CNTN5: variants seen among roughly 807,000 people sequenced by gnomAD.
CNTN5 encodes contactin-5.
CNTN5 carries 77 observed loss-of-function variants against 129.1 expected under a neutral mutation model. The observed-to-expected ratio is 0.60, with a 90% confidence interval of 0.50 to 0.72. CNTN5 has a LOEUF of 0.72. Ranked by LOEUF, CNTN5 falls within the 30% of genes least tolerant of loss-of-function variation. The pLI, the probability that CNTN5 is intolerant of heterozygous loss-of-function variation, is 0.00. For missense variants in CNTN5, 1,478 were observed against 1,328.8 expected (o/e 1.11, Z -1.75); for synonymous variants, 509 against 465.6 (o/e 1.09, Z -1.20).
intron 1 of CNTN5, among the ~76,000 whole-genome samples, chr11:99,110,092 C>A (rs1203545838): frequency 6.6e-6 from 1 of 152,050 alleles, no homozygotes; most frequent in African/African-American, 2.4e-5. Flanking sequence ...AAGAAGGGAA[C>A]CTCGCTCGGA....
rs575492693 is a variant in CNTN5, at chr11:100,234,868, T to C, written c.2005+10056T>C. On this transcript the variant is annotated intron_variant, in intron 16 of 24. Transcript: ENST00000524871. ...TGCCACCAGGAAAACTGAGCACCGATAGACTTCTTTCTGCATAATCTCTTC... is the reference window on the plus strand; with the variant it reads ...TGCCACCAGGAAAACTGAGCACCGACAGACTTCTTTCTGCATAATCTCTTC... 3.0e-4 allele frequency among the ~76,000 whole-genome samples: 45 copies of C among 148,440 alleles called. No individual in the cohort carries two copies. In the South Asian group the frequency reaches 9.4e-3, roughly 31 times the overall value.
chr11:100,132,587 T>C (rs1023984128), intron 13 of CNTN5, among the ~76,000 whole-genome samples: 1 of 152,152 alleles, frequency 6.6e-6, no homozygotes, highest in African/African-American at 2.4e-5. Context: ...ATTATGCACA[T>C]TGTTGAAATA....
rs71046664 is a variant in CNTN5 at position 99,131,249 on chromosome 11, GAAA to G, written c.-210+109992_-210+109994del. On this transcript the variant is annotated intron_variant, in intron 1 of 24. Transcript: ENST00000524871. ...GGTGACAGAGTGAGACTCCATCTCA[GAAA>G]AAAAAAAAAAAAGAAAAATTTATAG... is the stretch of plus-strand genomic sequence containing the variant. Among the ~76,000 whole-genome samples the G allele has an allele frequency of 8.9e-5, 6 of 67,190 alleles. 1 individual carries two copies. Among genetic ancestry groups the G allele is most frequent in the East Asian group, 5.9e-4 (1 of 1,708 alleles). The allele number at this position is 67,190 out of a possible 152,430, so 44.1% of individuals were successfully genotyped here. A position where few individuals can be genotyped will look rare whatever the true frequency, so the allele number is the denominator to read the frequency against.
chr11:99,188,152 G>T (rs1034712574), intron 1 of CNTN5, among the ~76,000 whole-genome samples: 1 of 151,566 alleles, frequency 6.6e-6, no homozygotes, highest in African/African-American at 2.4e-5. Flanking sequence ...TATCATACAG[G>T]CATATGACAG....
intron 4 of CNTN5, among the ~76,000 whole-genome samples, chr11:99,843,664 A>G (rs938563686): frequency 4.6e-5 from 7 of 152,116 alleles, no homozygotes; most frequent in Admixed American, 4.6e-4. Context: ...TACCTTTTTT[A>G]TTATTACACA....
chr11:99,809,459 G>A (rs1038276338), intron 3 of CNTN5, among the ~76,000 whole-genome samples: 10 of 151,992 alleles, frequency 6.6e-5, no homozygotes, highest in African/African-American at 9.6e-5. Flanking sequence ...ATCATTTCAC[G>A]TTAAATAAAT....
intron 4 of CNTN5, among the ~76,000 whole-genome samples, chr11:99,836,121 CTTG>C (rs770990084): frequency 4.7e-5 from 7 of 148,650 alleles, no homozygotes; most frequent in Admixed American, 3.3e-4. Context: ...CATGCCTCCC[CTTG>C]TTTTTTTTTT....
At chr11:100,276,431 C>A (rs1373583315) in intron 18 of CNTN5, among the ~76,000 whole-genome samples, 1 of 144,128 alleles carries the variant, frequency 6.9e-6, no homozygotes, top group Non-Finnish European at 1.5e-5. Context: ...TTTAGCTATT[C>A]AGATGACTGA....
chr11:100,181,928 T>C (rs138050567), intron 13 of CNTN5, among the ~76,000 whole-genome samples: 7 of 152,168 alleles, frequency 4.6e-5, no homozygotes, highest in African/African-American at 1.7e-4. Context: ...AATCAAAATC[T>C]CAGCATGCCT....
chr11:99,186,911 T>C (rs1247142413), intron 1 of CNTN5, among the ~76,000 whole-genome samples: 1 of 151,848 alleles, frequency 6.6e-6, no homozygotes, highest in African/African-American at 2.4e-5. Flanking sequence ...AAGAGAATAG[T>C]AGAGAGAGGG....
intron 1 of CNTN5, among the ~76,000 whole-genome samples, chr11:99,308,737 A>C (rs561488567): frequency 6.6e-6 from 1 of 152,128 alleles, no homozygotes; most frequent in Non-Finnish European, 1.5e-5. Flanking sequence ...GTCCCAGTCA[A>C]TATCTCTTTT....
intron 13 of CNTN5, among the ~76,000 whole-genome samples, chr11:100,097,135 T>C (rs1395675136): frequency 6.6e-6 from 1 of 152,182 alleles, no homozygotes; most frequent in Non-Finnish European, 1.5e-5. Context: ...TCCTAAGTGA[T>C]TCTGGGGCAG....
intron 3 of CNTN5, among the ~76,000 whole-genome samples, chr11:99,716,701 G>A (rs1955251381): frequency 6.6e-6 from 1 of 152,062 alleles, no homozygotes; most frequent in South Asian, 2.1e-4. Context: ...TTGTATGGGG[G>A]TAAGGATAGA....
chr11:100,110,744 C>A (rs539250872), intron 13 of CNTN5, among the ~76,000 whole-genome samples: 1 of 152,144 alleles, frequency 6.6e-6, no homozygotes, highest in African/African-American at 2.4e-5. Flanking sequence ...CCACCAATTG[C>A]ATCTTTAGAA....
intron 3 of CNTN5, among the ~76,000 whole-genome samples, chr11:99,591,649 C>T (rs534154701): frequency 1.3e-5 from 2 of 152,062 alleles, no homozygotes; most frequent in Non-Finnish European, 2.9e-5. Context: ...CTCAACAAAA[C>T]CTTTTTATTT....
intron 9 of CNTN5, among the ~76,000 whole-genome samples, chr11:100,024,622 G>A (rs777552168): frequency 7.2e-5 from 11 of 152,310 alleles, no homozygotes; most frequent in Admixed American, 3.3e-4. Context: ...TGAAGTCCAG[G>A]CTGAGGTGGT....
At chr11:99,753,458 C>T (rs1184311403) in intron 3 of CNTN5, among the ~76,000 whole-genome samples, 3 of 151,154 alleles carry the variant, frequency 2.0e-5, no homozygotes, top group Admixed American at 6.6e-5. Context: ...CTAAACACTG[C>T]GAAAGGAAGG....
intron 3 of CNTN5, among the ~76,000 whole-genome samples, chr11:99,591,734 G>A (rs7117574): frequency 0.16 from 24,959 of 152,036 alleles, 2,711 homozygotes; most frequent in African/African-American, 0.3. Flanking sequence ...AAGAGAGGCT[G>A]GGGGAACTTG....
chr11:100,289,632 G>A (rs1326338148), intron 18 of CNTN5, among the ~76,000 whole-genome samples: 1 of 151,950 alleles, frequency 6.6e-6, no homozygotes, highest in African/African-American at 2.4e-5. Flanking sequence ...AGCTATCTAT[G>A]ACAAACCCAC....
Sources: allele counts gnomAD v4.1 joint callset (sites outside exome capture counted in the v4.1 genomes callset), GRCh38; gene constraint gnomAD v4.1.1; transcripts MANE v1.5; gene names NCBI Gene and HGNC (gene_info 2026-07-23, HGNC 2026-07-21).